Variants in NCOA2 observed in about 807,000 individuals in gnomAD.
The protein encoded by NCOA2 is nuclear receptor coactivator 2.
In NCOA2, 21 loss-of-function variants were observed where a neutral mutation model predicts 145.1. The ratio of observed to expected loss-of-function variants is 0.14; its 90% CI spans 0.10 to 0.21. The LOEUF is 0.21. Among genes scored for constraint, NCOA2 ranks in the 10% least tolerant of loss-of-function variants. The pLI is 1.00. For missense variants in NCOA2, 1,472 were observed against 1,837.6 expected (o/e 0.80, Z 3.64); for synonymous variants, 619 against 637.5 (o/e 0.97, Z 0.44).
Position 70,170,326 on chromosome 8 carries a change from C to T in NCOA2, c.417G>A (p.Val139=). Residue 139 remains valine (V), a synonymous_variant, in exon 6 of 23, where the codon GTG becomes GTA. Coordinates refer to ENST00000452400, the MANE Select transcript of NCOA2 (RefSeq NM_006540.4). ...VVNLEGNVVF[V]SENVTQYLRY... is the part of the protein sequence containing the mutation. ...TTAGATACTGTGTCACATTCTCTGA[C>T]ACAAACACAACGTTGCCTTCCAGGT... 1 of 1,606,218 alleles carries T rather than the reference C, an allele frequency of 6.2e-7. No homozygotes were observed. Among genetic ancestry groups the T allele is most frequent in the Non-Finnish European group, 8.5e-7 (1 of 1,176,172 alleles).
chr8:70,334,806 T>C (rs1002368182), intron 1 of NCOA2, among the ~76,000 whole-genome samples: 7 of 152,232 alleles, frequency 4.6e-5, no homozygotes, highest in Middle Eastern at 6.8e-3. Flanking sequence ...CAGCTCTTAG[T>C]AATATTCATT....
intron 2 of NCOA2, among the ~76,000 whole-genome samples, chr8:70,257,829 T>G (rs1180803309): frequency 6.6e-6 from 1 of 151,814 alleles, no homozygotes; most frequent in Non-Finnish European, 1.5e-5. Flanking sequence ...CTCCCTGATC[T>G]GTCTTGGATC....
chr8:70,182,495 C>T (rs967104624), intron 4 of NCOA2, among the ~76,000 whole-genome samples: 2 of 152,112 alleles, frequency 1.3e-5, no homozygotes, highest in Non-Finnish European at 2.9e-5. Context: ...ACTACAGTTA[C>T]CAAGAGAAAG....
intron 1 of NCOA2, among the ~76,000 whole-genome samples, chr8:70,348,900 T>C (rs1808916502): frequency 6.7e-6 from 1 of 150,322 alleles, no homozygotes; most frequent in Non-Finnish European, 1.5e-5. Flanking sequence ...ATTTGGGAGC[T>C]ATGTAAATAA....
rs1372009455 is a variant in NCOA2, at chr8:70,162,876, T to TACACCTAC, written c.833-23_833-22insGTAGGTGT. ...TTGCCTATTAAGTAACAGCAGGCAT[T>TACACCTAC]ATACCTACATGTTGATCTATTCTTT... On this transcript the variant is annotated intron_variant, in intron 8 of 22. Transcript: ENST00000452400. The TACACCTAC allele has an allele frequency of 7.0e-6, 11 of 1,579,598 alleles. No individual in the cohort carries two copies. The Admixed American group carries it at 1.1e-4, about 16-fold the overall frequency.
At chr8:70,331,038 C>T (rs1807051838) in intron 1 of NCOA2, among the ~76,000 whole-genome samples, 1 of 152,006 alleles carries the variant, frequency 6.6e-6, no homozygotes, top group African/African-American at 2.4e-5. Context: ...GTAAAGAAAA[C>T]AGTTCTAACA....
At chr8:70,423,249 T>C in the NCOA2 span, among the ~76,000 whole-genome samples, 4 of 152,180 alleles carry the variant, frequency 2.6e-5, no homozygotes, top group Non-Finnish European at 5.9e-5. Flanking sequence ...AATGGCACGA[T>C]CTTGGCTCAC....
At position 70,156,456 on chromosome 8, in the gene NCOA2, C is replaced by T. The variant is rs769434684; in HGVS notation, c.1909G>A (p.Gly637Arg). ...AGCAGCTGCAGGAGTTTGGTCTGCC[C>T]TTTGCTGTCATGCAGTCTGCTCTGC... ...DGQSRLHDSKGQTKLLQLLTT... is the reference protein window; with the variant it reads ...DGQSRLHDSKRQTKLLQLLTT... Residue 637 changes from glycine to arginine, a missense_variant, in exon 11 of 23, where the codon GGG becomes AGG. By Grantham distance (125) the Gly-to-Arg change is moderately radical. Around this residue, in one of 4 missense-constraint regions of NCOA2, gnomAD observed 953 missense variants for 1,062.1 expected, o/e 0.90. Transcript: ENST00000452400. The T allele has an allele frequency of 1.1e-5, 17 of 1,613,822 alleles. No individual in the cohort carries two copies. Among genetic ancestry groups the T allele is most frequent in the Non-Finnish European group, 1.4e-5 (16 of 1,179,896 alleles).
chr8:70,123,920 C>A lies in NCOA2; in HGVS notation c.4257G>T (p.Val1419=), dbSNP rs771791759. ...CCATGGAGGACAGCCCTGACGTAGG[C>A]ACGGAGGTCACTGAGGTCATGCTGA... The part of the protein sequence containing the change: ...GQISMTSVTS[V]PTSGLSSMGP... Residue 1419 remains valine (V), a synonymous_variant, in exon 21 of 23, where the codon GTG becomes GTT. Transcript: ENST00000452400. 1 of 1,613,806 alleles carries A rather than the reference C, an allele frequency of 6.2e-7. No homozygotes were observed. Among genetic ancestry groups the A allele is most frequent in the Non-Finnish European group, 8.5e-7 (1 of 1,179,806 alleles).
intron 4 of NCOA2, among the ~76,000 whole-genome samples, chr8:70,201,049 CAAAAAAAAA>C (rs60951750): frequency 1.6e-5 from 1 of 63,946 alleles, no homozygotes; most frequent in Non-Finnish European, 2.7e-5. Context: ...GACTGTGTCT[CAAAAAAAAA>C]AAAAAAAAAA....
At chr8:70,360,942 CA>C (rs1213854420) in intron 1 of NCOA2, among the ~76,000 whole-genome samples, 2,606 of 55,328 alleles carry the variant, frequency 0.047, 46 homozygotes, top group African/African-American at 0.12. Context: ...GATTCCAGCT[CA>C]AAAAAAAAAA....
At chr8:70,262,198 T>G (rs1412464899) in intron 2 of NCOA2, among the ~76,000 whole-genome samples, 1 of 152,212 alleles carries the variant, frequency 6.6e-6, no homozygotes, top group Non-Finnish European at 1.5e-5. Flanking sequence ...TATATCTCCT[T>G]TAACAACATC....
At position 70,113,423 on chromosome 8, in the gene NCOA2, T is replaced by G; in HGVS notation, c.*209A>C. On this transcript the variant is annotated 3_prime_UTR_variant, in exon 23 of 23. Coordinates refer to ENST00000452400, the MANE Select transcript of NCOA2 (RefSeq NM_006540.4). ...TGAACAGACTGAGCGACTGTCTGGA[T>G]GCGAGCTTCAGACTGTCAAGAGAAG... 1 of 601,826 alleles carries G rather than the reference T, an allele frequency of 1.7e-6. No homozygotes were observed. The highest frequency in any genetic ancestry group is 2.0e-5 in the South Asian group (1 of 50,022). 37.3% of individuals were successfully genotyped at this position (601,826 alleles called of 1,614,324 possible). A position where few individuals can be genotyped will look rare whatever the true frequency, so the allele number is the denominator to read the frequency against.
intron 6 of NCOA2, among the ~76,000 whole-genome samples, chr8:70,169,948 G>A (rs567040123): frequency 6.6e-6 from 1 of 151,842 alleles, no homozygotes; most frequent in East Asian, 1.9e-4. Flanking sequence ...TGGCTAAGAA[G>A]CAATGATTTT....
At chr8:70,429,372 T>A in the NCOA2 span, among the ~76,000 whole-genome samples, 1 of 152,234 alleles carries the variant, frequency 6.6e-6, no homozygotes, top group African/African-American at 2.4e-5. Context: ...TAAGTGGAGC[T>A]ACTTAGGTAT....
chr8:70,280,401 G>A (rs1246171819), intron 2 of NCOA2, among the ~76,000 whole-genome samples: 3 of 152,096 alleles, frequency 2.0e-5, no homozygotes, highest in East Asian at 3.9e-4. Flanking sequence ...CCTTAGAGAC[G>A]TAAGATAAAT....
At chr8:70,262,888 CTT>C (rs1824255468) in intron 2 of NCOA2, among the ~76,000 whole-genome samples, 1 of 151,854 alleles carries the variant, frequency 6.6e-6, no homozygotes, top group Non-Finnish European at 1.5e-5. Context: ...TAAAGTTTAA[CTT>C]ATAAATTAGA....
intron 4 of NCOA2, among the ~76,000 whole-genome samples, chr8:70,202,377 A>G (rs541107880): frequency 4.5e-4 from 68 of 152,324 alleles, no homozygotes; most frequent in African/African-American, 1.6e-3. Flanking sequence ...TCTCAAAGAG[A>G]TATTTGCATC....
chr8:70,235,325 G>A (rs1002228997), intron 2 of NCOA2, among the ~76,000 whole-genome samples: 14 of 152,062 alleles, frequency 9.2e-5, no homozygotes, highest in African/African-American at 3.4e-4. Context: ...GTTTCTATTT[G>A]GGATGATGAA....
Sources: allele counts gnomAD v4.1 joint callset (sites outside exome capture counted in the v4.1 genomes callset), GRCh38; gene constraint gnomAD v4.1.1; regional missense constraint gnomAD v4.1.1; transcripts MANE v1.5; gene names NCBI Gene and HGNC (gene_info 2026-07-23, HGNC 2026-07-21).